LDB2: variants seen among roughly 807,000 people sequenced by gnomAD.
LDB2 encodes the protein LIM domain binding 2.
In LDB2, 12 loss-of-function variants were observed where a neutral mutation model predicts 44.3. The ratio of observed to expected loss-of-function variants is 0.27; its 90% confidence interval spans 0.17 to 0.44. LDB2 has a LOEUF of 0.44. Ranked by LOEUF, LDB2 falls within the 20% of genes least tolerant of loss-of-function variation. The pLI is 1.00. For missense variants in LDB2, 344 were observed against 473.5 expected (o/e 0.73, Z 2.54); for synonymous variants, 164 against 174.8 (o/e 0.94, Z 0.49).
intron 2 of LDB2, among the ~76,000 whole-genome samples, chr4:16,634,958 G>A (rs1733140120): frequency 6.6e-6 from 1 of 152,174 alleles, no homozygotes; most frequent in African/African-American, 2.4e-5. Flanking sequence ...ATACTATGCA[G>A]CCATAAAAAA....
chr4:16,665,419 C>T (rs1190988640), intron 2 of LDB2, among the ~76,000 whole-genome samples: 2 of 151,956 alleles, frequency 1.3e-5, no homozygotes, highest in Non-Finnish European at 2.9e-5. Flanking sequence ...GTGTGTCCCA[C>T]CACACCCGAC....
At chr4:16,685,080 G>T (rs1478418756) in intron 2 of LDB2, among the ~76,000 whole-genome samples, 2 of 152,098 alleles carry the variant, frequency 1.3e-5, no homozygotes, top group African/African-American at 2.4e-5. Flanking sequence ...GCTTGGAAAG[G>T]GCCTCAGTTT....
chr4:16,700,336 T>C (rs1399802748), intron 2 of LDB2, among the ~76,000 whole-genome samples: 2 of 152,186 alleles, frequency 1.3e-5, no homozygotes, highest in Non-Finnish European at 2.9e-5. Context: ...AAACTGACTC[T>C]TGAAGCAACC....
chr4:16,621,295 C>T (rs144903954), intron 2 of LDB2, among the ~76,000 whole-genome samples: 19 of 152,304 alleles, frequency 1.2e-4, no homozygotes, highest in African/African-American at 4.6e-4. Flanking sequence ...CATCTTGTAA[C>T]ATGAGCTCTG....
At chr4:16,760,349 T>C (rs1055455188) in intron 1 of LDB2, among the ~76,000 whole-genome samples, 6 of 152,120 alleles carry the variant, frequency 3.9e-5, no homozygotes, top group African/African-American at 1.2e-4. Flanking sequence ...TGGCAGGCCT[T>C]AGGAATGAAC....
At chr4:16,698,145 A>G (rs1345526393) in intron 2 of LDB2, among the ~76,000 whole-genome samples, 1 of 152,162 alleles carries the variant, frequency 6.6e-6, no homozygotes, top group Non-Finnish European at 1.5e-5. Context: ...TTTGCCTTGT[A>G]CAGTTTATTT....
chr4:16,736,194 A>G (rs866287702), intron 2 of LDB2, among the ~76,000 whole-genome samples: 5 of 152,174 alleles, frequency 3.3e-5, no homozygotes, highest in African/African-American at 9.7e-5. Flanking sequence ...CCTTTGGATC[A>G]CAGGCACATG....
intron 1 of LDB2, among the ~76,000 whole-genome samples, chr4:16,866,336 T>C (rs187988982): frequency 9.2e-5 from 14 of 152,328 alleles, no homozygotes; most frequent in Middle Eastern, 3.4e-3. Flanking sequence ...AAATAAGTAA[T>C]AGTTTTTACT....
chr4:16,706,988 A>G (rs75482500), intron 2 of LDB2, among the ~76,000 whole-genome samples: 33 of 152,298 alleles, frequency 2.2e-4, no homozygotes, highest in African/African-American at 7.9e-4. Flanking sequence ...GCAAATGATT[A>G]ATTTCACTTT....
At chr4:16,835,353 G>A (rs910736867) in intron 1 of LDB2, among the ~76,000 whole-genome samples, 4 of 152,150 alleles carry the variant, frequency 2.6e-5, no homozygotes, top group Non-Finnish European at 5.9e-5. Context: ...GGACTTGCCT[G>A]TTCTTGAAAT....
intron 1 of LDB2, among the ~76,000 whole-genome samples, chr4:16,806,709 G>A (rs1178085104): frequency 6.6e-6 from 1 of 152,184 alleles, no homozygotes; most frequent in African/African-American, 2.4e-5. Context: ...CCCAAATATT[G>A]GGATGTATGG....
At chr4:16,571,357 T>C (rs1746458143) in intron 5 of LDB2, among the ~76,000 whole-genome samples, 1 of 152,124 alleles carries the variant, frequency 6.6e-6, no homozygotes, top group African/African-American at 2.4e-5. Context: ...ATGGGAGTTA[T>C]CGTGGAATGA....
At chr4:16,832,952 G>A (rs545496932) in intron 1 of LDB2, among the ~76,000 whole-genome samples, 1 of 152,286 alleles carries the variant, frequency 6.6e-6, no homozygotes, top group East Asian at 1.9e-4. Flanking sequence ...TTTACTGAGT[G>A]CTTAACACAC....
At chr4:16,519,762 A>C (rs1725275949) in intron 5 of LDB2, among the ~76,000 whole-genome samples, 1 of 151,660 alleles carries the variant, frequency 6.6e-6, no homozygotes, top group Admixed American at 6.6e-5. Context: ...CATCTAGAAA[A>C]TGGGGATAAT....
intron 5 of LDB2, among the ~76,000 whole-genome samples, chr4:16,521,730 A>G (rs1299103188): frequency 6.6e-6 from 1 of 152,132 alleles, no homozygotes; most frequent in African/African-American, 2.4e-5. Context: ...CAGGAGTGGC[A>G]ATTGCTAATC....
chr4:16,898,621 A>C lies in LDB2; in HGVS notation c.-136T>G. 1 of 575,540 alleles carries C rather than the reference A, an allele frequency of 1.7e-6. No individual in the cohort carries two copies. The highest frequency in any genetic ancestry group is 2.7e-6 in the Non-Finnish European group (1 of 376,976). 35.7% of individuals were successfully genotyped at this position (575,540 alleles called of 1,614,324 possible). A position where few individuals can be genotyped will look rare whatever the true frequency, so the allele number is the denominator to read the frequency against. ...CACACACAGAGGCAGGCAGGCAGGCAGGCTGAACACGCTGGCTGGGAACTG... is the reference window on the plus strand; with the variant it reads ...CACACACAGAGGCAGGCAGGCAGGCCGGCTGAACACGCTGGCTGGGAACTG... On this transcript the variant is annotated 5_prime_UTR_variant, in exon 1 of 8. Coordinates refer to ENST00000304523, the MANE Select transcript of LDB2 (RefSeq NM_001290.5).
intron 2 of LDB2, among the ~76,000 whole-genome samples, chr4:16,609,866 G>C (rs1167151834): frequency 6.6e-6 from 1 of 152,102 alleles, no homozygotes; most frequent in Non-Finnish European, 1.5e-5. Flanking sequence ...AAAGCACTTC[G>C]TTAAATGGGT....
chr4:16,599,870 A>AT (rs1722087792), intron 2 of LDB2, among the ~76,000 whole-genome samples: 1 of 152,102 alleles, frequency 6.6e-6, no homozygotes, highest in Admixed American at 6.6e-5. Context: ...TTTCAAATTG[A>AT]TTTTTGAATT....
intron 1 of LDB2, among the ~76,000 whole-genome samples, chr4:16,846,125 A>AG (rs1188679935): frequency 6.6e-6 from 1 of 151,812 alleles, no homozygotes; most frequent in Non-Finnish European, 1.5e-5. Flanking sequence ...AAAAAAAAAA[A>AG]AAAAAGTTAA....
Sources: allele counts gnomAD v4.1 joint callset (sites outside exome capture counted in the v4.1 genomes callset), GRCh38; gene constraint gnomAD v4.1.1; transcripts MANE v1.5; gene names NCBI Gene and HGNC (gene_info 2026-07-23, HGNC 2026-07-21).